ATP6V0E1: variants seen among roughly 807,000 people sequenced by gnomAD.
The protein encoded by ATP6V0E1 is ATPase H+ transporting V0 subunit e1.
ATP6V0E1 carries 4 observed loss-of-function variants against 11.6 expected under a neutral mutation model. That is an observed-to-expected ratio of 0.35 (90% CI 0.17 to 0.79). The LOEUF is 0.79. Ranked by LOEUF, ATP6V0E1 falls within the 30% of genes least tolerant of loss-of-function variation. ATP6V0E1 has a pLI of 0.54. For missense variants in ATP6V0E1, 105 were observed against 100.0 expected (o/e 1.05, Z -0.21); for synonymous variants, 36 against 34.8 (o/e 1.04, Z -0.13).
chr5:173,019,503 G>C (rs892153220), intron 2 of ATP6V0E1, among the ~76,000 whole-genome samples: 1 of 151,724 alleles, frequency 6.6e-6, no homozygotes, highest in Non-Finnish European at 1.5e-5. Flanking sequence ...GCAGCAAGCC[G>C]AGATTGCACC....
chr5:172,999,153 G>A (rs376063583), intron 2 of ATP6V0E1, among the ~76,000 whole-genome samples: 2 of 152,014 alleles, frequency 1.3e-5, no homozygotes, highest in African/African-American at 2.4e-5. Flanking sequence ...AAAGGGGGTC[G>A]GGGGAATGAG....
chr5:173,030,449 T>TG (rs951663502), intron 3 of ATP6V0E1, among the ~76,000 whole-genome samples: 8 of 150,538 alleles, frequency 5.3e-5, no homozygotes, highest in African/African-American at 1.9e-4. Context: ...TTGTTTTTTT[T>TG]TTTTTTTTTG....
chr5:173,033,731 C>G (rs1561779092), intron 3 of ATP6V0E1, among the ~76,000 whole-genome samples: 1 of 151,992 alleles, frequency 6.6e-6, no homozygotes, highest in Non-Finnish European at 1.5e-5. Flanking sequence ...GTAGTTCCAG[C>G]TACTTGGGAG....
At chr5:173,001,678 CA>C (rs1386362181) in intron 2 of ATP6V0E1, among the ~76,000 whole-genome samples, 2 of 151,954 alleles carry the variant, frequency 1.3e-5, no homozygotes, top group African/African-American at 4.8e-5. Context: ...TTTACTTTAA[CA>C]TGTATTTCCT....
rs970699300 is a variant in ATP6V0E1 at position 173,034,578 on chromosome 5, A to G, written c.*216A>G. 9.1e-6 allele frequency: 6 copies of G among 658,164 alleles called. No homozygotes were observed. The highest frequency in any genetic ancestry group is 8.6e-5 in the Admixed American group (4 of 46,764). 40.8% of individuals were successfully genotyped at this position (658,164 alleles called of 1,614,324 possible). A position where few individuals can be genotyped will look rare whatever the true frequency, so the allele number is the denominator to read the frequency against. ...GCACTTTGGTGAATTACGTGCCTCCATAACCTGAACTGTGCCGACTCCACA... is the reference window on the plus strand; with the variant it reads ...GCACTTTGGTGAATTACGTGCCTCCGTAACCTGAACTGTGCCGACTCCACA... On this transcript the variant is annotated 3_prime_UTR_variant, in exon 4 of 4. Coordinates refer to ENST00000519374, the MANE Select transcript of ATP6V0E1 (RefSeq NM_003945.4).
At chr5:173,019,243 C>T (rs1224184839) in intron 2 of ATP6V0E1, among the ~76,000 whole-genome samples, 2 of 152,168 alleles carry the variant, frequency 1.3e-5, no homozygotes, top group Admixed American at 6.5e-5. Flanking sequence ...CCACCGCACC[C>T]AACCTGTTTT....
intron 1 of ATP6V0E1, among the ~76,000 whole-genome samples, chr5:172,988,824 GA>G (rs1755937712): frequency 6.6e-6 from 1 of 152,148 alleles, no homozygotes; most frequent in Non-Finnish European, 1.5e-5. Flanking sequence ...GAGTATCTCG[GA>G]CTACAGGCGC....
chr5:173,004,667 A>G lies in ATP6V0E1; in HGVS notation c.152+9845A>G, dbSNP rs1208043894. ...GTTTCAAATGCCGGTAAAAATTGAGATAAGGAAAGATATGAGACCTGTTGA... is the reference window on the plus strand; with the variant it reads ...GTTTCAAATGCCGGTAAAAATTGAGGTAAGGAAAGATATGAGACCTGTTGA... On this transcript the variant is annotated intron_variant, in intron 2 of 3. Transcript: ENST00000519374. Among the ~76,000 whole-genome samples the G allele has an allele frequency of 2.0e-5, 3 of 152,296 alleles. No individual in the cohort carries two copies. The East Asian group carries it at 5.8e-4, about 29-fold the overall frequency.
intron 2 of ATP6V0E1, among the ~76,000 whole-genome samples, chr5:173,010,543 ACT>A (rs1756305678): frequency 6.6e-6 from 1 of 152,044 alleles, no homozygotes; most frequent in African/African-American, 2.4e-5. Context: ...TTAAAATCCG[ACT>A]CTGTCTAATA....
At chr5:172,996,870 CA>C (rs1268484803) in intron 2 of ATP6V0E1, among the ~76,000 whole-genome samples, 1 of 151,372 alleles carries the variant, frequency 6.6e-6, no homozygotes, top group African/African-American at 2.4e-5. Flanking sequence ...TTTCTTTAAA[CA>C]ATTGCCAAGA....
intron 1 of ATP6V0E1, among the ~76,000 whole-genome samples, chr5:172,992,211 C>T (rs6861224): frequency 0.011 from 1,708 of 152,202 alleles, 16 homozygotes; most frequent in Middle Eastern, 0.041. Context: ...CCACCACGCC[C>T]GGCTAATTTT....
intron 3 of ATP6V0E1, among the ~76,000 whole-genome samples, chr5:173,031,761 G>A (rs1001278164): frequency 2.0e-5 from 3 of 150,464 alleles, no homozygotes; most frequent in African/African-American, 7.3e-5. Context: ...AGGGCTTGCA[G>A]TGAGTGGAGA....
intron 2 of ATP6V0E1, 56 bp downstream of exon 2, chr5:172,994,878 C>A: frequency 7.2e-7 from 1 of 1,395,064 alleles, no homozygotes; most frequent in Non-Finnish European, 9.9e-7. Context: ...GTGCGATTTA[C>A]ACATTTGTTT....
chr5:172,994,481 A>AACTAATTGTC (rs1756031336), intron 1 of ATP6V0E1, among the ~76,000 whole-genome samples: 1 of 152,200 alleles, frequency 6.6e-6, no homozygotes, highest in African/African-American at 2.4e-5. Flanking sequence ...TAGTTGTCAA[A>AACTAATTGTC]ACTAATTGTC....
chr5:172,986,434 A>T (rs1755898335), intron 1 of ATP6V0E1, among the ~76,000 whole-genome samples: 1 of 152,202 alleles, frequency 6.6e-6, no homozygotes, highest in Non-Finnish European at 1.5e-5. Flanking sequence ...CAGCCTGGGC[A>T]ACACAGCGAG....
At chr5:173,014,219 A>G (rs1756371246) in intron 2 of ATP6V0E1, among the ~76,000 whole-genome samples, 1 of 152,140 alleles carries the variant, frequency 6.6e-6, no homozygotes, top group South Asian at 2.1e-4. Flanking sequence ...TGCAGAGAAA[A>G]GGAAACTTTT....
chr5:172,986,848 C>T (rs1225867169), intron 1 of ATP6V0E1: 3 of 380,942 alleles, frequency 7.9e-6, no homozygotes, highest in Middle Eastern at 8.8e-4. Flanking sequence ...AGTGCAGTGG[C>T]GTGATACTGG....
chr5:172,992,701 T>C (rs1756001895), intron 1 of ATP6V0E1, among the ~76,000 whole-genome samples: 1 of 152,196 alleles, frequency 6.6e-6, no homozygotes, highest in Non-Finnish European at 1.5e-5. Context: ...ATCTGGCATA[T>C]ATAGGTAGAT....
intron 2 of ATP6V0E1, among the ~76,000 whole-genome samples, chr5:173,005,360 CAT>C (rs2113593067): frequency 6.6e-6 from 1 of 152,210 alleles, no homozygotes; most frequent in East Asian, 1.9e-4. Context: ...AGAGATCTCA[CAT>C]GTCTCTTGGA....
Sources: gnomAD v4.1 joint callset for allele counts (sites outside exome capture counted in the v4.1 genomes callset) on GRCh38, gnomAD v4.1.1 for gene constraint, MANE v1.5 for transcripts, NCBI Gene and HGNC (gene_info 2026-07-23, HGNC 2026-07-21) for gene names.